The following ACOXL variants were observed in gnomAD, a reference collection of about 807,000 sequenced individuals.
ACOXL encodes the protein acyl-coenzyme A oxidase-like protein.
Under a neutral mutation model 71.9 loss-of-function variants are expected in ACOXL, and 70 were observed. That is an observed-to-expected ratio of 0.97 (90% CI 0.80 to 1.19). The LOEUF is 1.19. Ranked by LOEUF, ACOXL falls within the 50% of genes most tolerant of loss-of-function variation. The pLI is 0.00. For synonymous variants in ACOXL, 253 were observed against 281.6 expected (o/e 0.90, Z 1.02); for missense variants, 703 against 736.3 (o/e 0.95, Z 0.52).
intron 1 of ACOXL, among the ~76,000 whole-genome samples, chr2:110,747,216 T>C (rs1011737133): frequency 1.3e-5 from 2 of 152,294 alleles, no homozygotes; most frequent in African/African-American, 2.4e-5. Flanking sequence ...AAGTCTCACT[T>C]TGGCTGTTTT....
intron 10 of ACOXL, among the ~76,000 whole-genome samples, chr2:110,867,963 A>G (rs1023395239): frequency 6.6e-5 from 10 of 151,898 alleles, no homozygotes. Flanking sequence ...GGGTTTAACC[A>G]TCTTGGCTAG....
intron 12 of ACOXL, among the ~76,000 whole-genome samples, chr2:110,976,735 A>G (rs57757258): frequency 0.06 from 9,165 of 152,218 alleles, 645 homozygotes; most frequent in East Asian, 0.35. Context: ...GACTTTAAGA[A>G]GGAAACAATT....
intron 9 of ACOXL, among the ~76,000 whole-genome samples, chr2:110,834,944 A>G (rs1018220884): frequency 6.6e-6 from 1 of 152,224 alleles, no homozygotes; most frequent in African/African-American, 2.4e-5. Flanking sequence ...CTTTCAGTCC[A>G]AAAGGTAGTG....
intron 10 of ACOXL, among the ~76,000 whole-genome samples, chr2:110,904,830 A>G (rs988430025): frequency 6.6e-6 from 1 of 152,222 alleles, no homozygotes; most frequent in African/African-American, 2.4e-5. Flanking sequence ...TCTGAGGCAT[A>G]GGATCTGTCT....
At chr2:111,089,837 TG>T (rs775810501) in intron 16 of ACOXL, among the ~76,000 whole-genome samples, 3 of 152,234 alleles carry the variant, frequency 2.0e-5, no homozygotes, top group Non-Finnish European at 4.4e-5. Flanking sequence ...GCAGTAATGG[TG>T]CTGCAGATGC....
chr2:111,114,442 G>A (rs1266023868), intron 17 of ACOXL: 3 of 152,170 alleles, frequency 2.0e-5, no homozygotes, highest in South Asian at 4.1e-4. Flanking sequence ...CCAGATTAAA[G>A]GGATGGAGAA....
At position 110,798,643 on chromosome 2, in the gene ACOXL, GAGA is replaced by G. The variant is rs753000826; in HGVS notation, c.383_385del (p.Lys128del). 5.6e-6 allele frequency: 9 copies of G among 1,614,002 alleles called. No homozygotes were observed. Among genetic ancestry groups the G allele is most frequent in the East Asian group, 2.2e-5 (1 of 44,878 alleles). ...AATTGACACGCCGTGTGAAAATGCG[GAGA>G]AGATGTATATTGGAAATGCCATGTA... On this transcript the variant is annotated inframe_deletion, in exon 6 of 18. Coordinates refer to ENST00000439055, the MANE Select transcript of ACOXL (RefSeq NM_001142807.4).
chr2:110,811,172 TA>T (rs561583884), intron 9 of ACOXL, among the ~76,000 whole-genome samples: 72 of 152,352 alleles, frequency 4.7e-4, no homozygotes, highest in African/African-American at 1.6e-3. Flanking sequence ...ACCATTCGAC[TA>T]CCTGATGGAC....
At chr2:110,962,001 G>A (rs1291242209) in intron 12 of ACOXL, among the ~76,000 whole-genome samples, 1 of 152,198 alleles carries the variant, frequency 6.6e-6, no homozygotes, top group African/African-American at 2.4e-5. Flanking sequence ...GGGACACAGA[G>A]CCAAACCATA....
At chr2:110,893,922 A>G (rs890699849) in intron 10 of ACOXL, among the ~76,000 whole-genome samples, 18 of 152,112 alleles carry the variant, frequency 1.2e-4, no homozygotes, top group Non-Finnish European at 2.2e-4. Flanking sequence ...TTTTAAAGGG[A>G]GAAAATATGA....
chr2:111,082,842 T>A (rs2067999785), intron 16 of ACOXL, among the ~76,000 whole-genome samples: 2 of 152,166 alleles, frequency 1.3e-5, no homozygotes, highest in Admixed American at 1.3e-4. Flanking sequence ...CACCATGGAA[T>A]ACTATGCAGC....
At chr2:110,926,240 T>C (rs1254860667) in intron 11 of ACOXL, among the ~76,000 whole-genome samples, 1 of 152,256 alleles carries the variant, frequency 6.6e-6, no homozygotes, top group African/African-American at 2.4e-5. Context: ...TATGTGCTGC[T>C]GGAGAAAGGG....
intron 12 of ACOXL, among the ~76,000 whole-genome samples, chr2:110,955,900 C>T (rs995321801): frequency 2.0e-5 from 3 of 151,718 alleles, no homozygotes; most frequent in Non-Finnish European, 2.9e-5. Context: ...AACCTCCCTG[C>T]CCCCATCTTT....
chr2:110,873,470 C>A (rs900442635), intron 10 of ACOXL, among the ~76,000 whole-genome samples: 6 of 152,206 alleles, frequency 3.9e-5, no homozygotes, highest in Admixed American at 1.3e-4. Flanking sequence ...CCTGCTCTTA[C>A]AAGTTTTAAA....
intron 12 of ACOXL, chr2:110,968,652 A>C (rs554522103): frequency 9.4e-7 from 1 of 1,059,218 alleles, no homozygotes; most frequent in Admixed American, 2.3e-5. Flanking sequence ...TCCATTGCCC[A>C]GAAGAAAGAT....
At chr2:110,824,508 A>AT (rs1477070023) in intron 9 of ACOXL, among the ~76,000 whole-genome samples, 1 of 152,088 alleles carries the variant, frequency 6.6e-6, no homozygotes, top group Non-Finnish European at 1.5e-5. Flanking sequence ...TTTGATGTTC[A>AT]TTTTTAAGTC....
rs116936442 is a variant in ACOXL at position 110,878,455 on chromosome 2, T to C, written c.789-30334T>C. 5.5e-3 allele frequency among the ~76,000 whole-genome samples: 840 copies of C among 152,274 alleles called. 47 individuals are homozygous for C. The East Asian group carries it at 0.13, about 24-fold the overall frequency. The stretch of plus-strand genomic sequence containing the variant: ...ATGAACAGCTTTAATGTATGTTGAA[T>C]TGATATGCAAGAAATAGGAAATGCA... On this transcript the variant is annotated intron_variant, in intron 10 of 17. Transcript: ENST00000439055.
chr2:110,763,253 G>A (rs754089885), intron 1 of ACOXL, among the ~76,000 whole-genome samples: 3 of 152,188 alleles, frequency 2.0e-5, no homozygotes, highest in Non-Finnish European at 4.4e-5. Flanking sequence ...GAAGAACAAA[G>A]TTGGAGGACA....
At chr2:110,852,004 A>C (rs1345578882) in intron 10 of ACOXL, among the ~76,000 whole-genome samples, 1 of 152,244 alleles carries the variant, frequency 6.6e-6, no homozygotes, top group Non-Finnish European at 1.5e-5. Flanking sequence ...GGAAGCCCCC[A>C]GCATATTTCC....
Sources: gnomAD v4.1 joint callset for allele counts (sites outside exome capture counted in the v4.1 genomes callset) on GRCh38, gnomAD v4.1.1 for gene constraint, MANE v1.5 for transcripts, NCBI Gene and HGNC (gene_info 2026-07-23, HGNC 2026-07-21) for gene names.